Variants in KIAA1328 observed in about 807,000 individuals in gnomAD.
KIAA1328 encodes the protein KIAA1328, also known as protein hinderin.
A neutral mutation model predicts 68.1 loss-of-function variants in KIAA1328; 52 were observed. The observed-to-expected ratio is 0.76, with a 90% CI of 0.61 to 0.96. The LOEUF is 0.96. KIAA1328 is among the 40% of genes least tolerant of loss of function. The pLI is 0.00. For missense variants in KIAA1328, 641 were observed against 677.6 expected, an observed-to-expected ratio of 0.95 and a Z score of 0.60; for synonymous variants, 232 against 239.4, an observed-to-expected ratio of 0.97 and a Z score of 0.28.
At chr18:37,100,539 G>A (rs942734778) in intron 7 of KIAA1328, among the ~76,000 whole-genome samples, 5 of 152,208 alleles carry the variant, frequency 3.3e-5, no homozygotes, top group African/African-American at 1.2e-4. Flanking sequence ...AAACTGGGTG[G>A]AGCCCACCGC....
rs71168248 is a variant in KIAA1328, at chr18:36,949,597, T to TCCCCCCC, written c.449-9706_449-9700dup. ...AATTTCAAGTCTGTTTCTACCCAGC[T>TCCCCCCC]CCCCCCCCCCCACCCCCCGATCTTG... On this transcript the variant is annotated intron_variant, in intron 5 of 9. Transcript: ENST00000280020. 1.4e-3 allele frequency among the ~76,000 whole-genome samples: 83 copies of TCCCCCCC among 57,318 alleles called. 1 individual carries two copies. Among genetic ancestry groups the TCCCCCCC allele is most frequent in the African/African-American group, 1.6e-3 (24 of 15,070 alleles). The allele number at this position is 57,318 out of a possible 152,430, so 37.6% of individuals were successfully genotyped here.
At chr18:37,108,004 C>T (rs1363993747) in intron 7 of KIAA1328, among the ~76,000 whole-genome samples, 1 of 152,064 alleles carries the variant, frequency 6.6e-6, no homozygotes, top group Non-Finnish European at 1.5e-5. Flanking sequence ...ACCATTTGAC[C>T]CAGCACTCCT....
intron 5 of KIAA1328, among the ~76,000 whole-genome samples, chr18:36,887,112 C>CTT (rs553425006): frequency 4.3e-4 from 58 of 134,674 alleles, no homozygotes; most frequent in Admixed American, 7.4e-4. Flanking sequence ...CCAACTTTCT[C>CTT]TTTTTTTTTT....
At position 37,021,341 on chromosome 18, in the gene KIAA1328, G is replaced by A. The variant is rs188310220; in HGVS notation, c.577-45549G>A. Among the ~76,000 whole-genome samples, 11 of 152,254 alleles carry A rather than the reference G, an allele frequency of 7.2e-5. No individual in the cohort carries two copies. In the East Asian group the frequency reaches 1.7e-3, roughly 24 times the overall value. On this transcript the variant is annotated intron_variant, in intron 6 of 9. Coordinates refer to ENST00000280020, the MANE Select transcript of KIAA1328 (RefSeq NM_020776.3). ...ATCAGCCTATTCTTTTCAATAAAAT[G>A]TTATTAATAGAACACATTATTCTGT...
chr18:37,048,212 T>C (rs1342041151), intron 6 of KIAA1328, among the ~76,000 whole-genome samples: 1 of 152,256 alleles, frequency 6.6e-6, no homozygotes, highest in Admixed American at 6.5e-5. Context: ...TGTATTTGTT[T>C]GGTAGTGTCT....
chr18:36,951,882 A>G (rs1374240045), intron 5 of KIAA1328, among the ~76,000 whole-genome samples: 1 of 152,072 alleles, frequency 6.6e-6, no homozygotes, highest in African/African-American at 2.4e-5. Flanking sequence ...GTGATTTTCT[A>G]ATTGGTTGCT....
intron 8 of KIAA1328, among the ~76,000 whole-genome samples, chr18:37,169,839 G>T (rs1040977515): frequency 6.6e-6 from 1 of 152,118 alleles, no homozygotes; most frequent in Non-Finnish European, 1.5e-5. Context: ...ACATTGTTGT[G>T]CCTTACAATT....
At chr18:37,014,334 T>G (rs909004303) in intron 6 of KIAA1328, among the ~76,000 whole-genome samples, 2 of 152,240 alleles carry the variant, frequency 1.3e-5, no homozygotes, top group African/African-American at 4.8e-5. Context: ...AGACGTTCTT[T>G]AGTTTAATTG....
intron 5 of KIAA1328, among the ~76,000 whole-genome samples, chr18:36,925,845 T>G (rs1198146442): frequency 6.6e-6 from 1 of 152,124 alleles, no homozygotes; most frequent in African/African-American, 2.4e-5. Flanking sequence ...AGCCTGGGTC[T>G]TCTTATATAT....
At position 37,067,409 on chromosome 18, in the gene KIAA1328, A is replaced by G; in HGVS notation, c.1096A>G (p.Arg366Gly). 1 of 1,610,928 alleles carries G rather than the reference A, an allele frequency of 6.2e-7. No homozygotes were observed. The change falls in exon 7 of 10, where the codon AGA (arginine) becomes GGA (glycine). Residue 366 changes from arginine (R) to glycine (G), a missense_variant. Coordinates refer to ENST00000280020, the MANE Select transcript of KIAA1328 (RefSeq NM_020776.3). The part of the protein sequence containing the change: ...ETLKKQISED[R>G]KQQLMLQKME... ...TTTGAAAAAGCAGATCTCAGAAGAT[A>G]GAAAGCAGCAACTGATGCTTCAGAA...
chr18:37,130,288 ATTAC>A (rs2058491089), intron 7 of KIAA1328, among the ~76,000 whole-genome samples: 1 of 152,182 alleles, frequency 6.6e-6, no homozygotes, highest in South Asian at 2.1e-4. Context: ...ATATACATAT[ATTAC>A]TTACTTTTTA....
intron 4 of KIAA1328, among the ~76,000 whole-genome samples, chr18:36,858,651 T>C (rs1376275816): frequency 1.3e-5 from 2 of 152,186 alleles, no homozygotes; most frequent in Non-Finnish European, 2.9e-5. Flanking sequence ...CCAATATATA[T>C]AGCTTTCCTT....
chr18:36,984,904 CAAAAAAAAA>C (rs56357519), intron 6 of KIAA1328, among the ~76,000 whole-genome samples: 5 of 80,744 alleles, frequency 6.2e-5, no homozygotes, highest in East Asian at 3.7e-4. Context: ...GACTCCATCT[CAAAAAAAAA>C]AAAAAAAAAA....
chr18:37,130,594 G>A (rs2058499665), intron 7 of KIAA1328, among the ~76,000 whole-genome samples: 2 of 151,902 alleles, frequency 1.3e-5, no homozygotes, highest in Admixed American at 6.6e-5. Context: ...CTCCAGCCTG[G>A]AGACAGAGTG....
chr18:37,160,617 T>TAACTGTTAAGAATTAGTCAGCA (rs1467539278), intron 8 of KIAA1328, among the ~76,000 whole-genome samples: 2 of 152,184 alleles, frequency 1.3e-5, no homozygotes, highest in Admixed American at 6.5e-5. Flanking sequence ...TTGCAAGCAA[T>TAACTGTTAAGAATTAGTCAGCA]AACTGTTAAG....
intron 5 of KIAA1328, among the ~76,000 whole-genome samples, chr18:36,903,404 G>A (rs558016429): frequency 6.6e-6 from 1 of 152,118 alleles, no homozygotes; most frequent in Non-Finnish European, 1.5e-5. Flanking sequence ...AATTGCGAAA[G>A]TTCTCTGCTC....
chr18:37,022,762 C>T (rs1467265643), intron 6 of KIAA1328, among the ~76,000 whole-genome samples: 3 of 152,112 alleles, frequency 2.0e-5, no homozygotes, highest in Admixed American at 6.6e-5. Flanking sequence ...GAACTAGAGA[C>T]ATTCTTCTAC....
intron 4 of KIAA1328, among the ~76,000 whole-genome samples, chr18:36,866,106 C>G (rs2047741534): frequency 1.3e-5 from 2 of 152,182 alleles, no homozygotes; most frequent in South Asian, 4.1e-4. Context: ...TCACCAGTAC[C>G]CACTACCAAC....
chr18:37,022,118 G>C (rs1055842623), intron 6 of KIAA1328, among the ~76,000 whole-genome samples: 6 of 151,992 alleles, frequency 3.9e-5, no homozygotes, highest in African/African-American at 1.2e-4. Context: ...CTTTGCACTT[G>C]ACCTGGCAGG....
Sources: allele counts gnomAD v4.1 joint callset (sites outside exome capture counted in the v4.1 genomes callset), GRCh38; gene constraint gnomAD v4.1.1; transcripts MANE v1.5; gene names NCBI Gene and HGNC (gene_info 2026-07-23, HGNC 2026-07-21).